The following UTP6 variants were observed in gnomAD, a reference collection of about 807,000 sequenced individuals.
UTP6 encodes the protein UTP6 small subunit processome component.
In UTP6, 60 loss-of-function variants were observed where a neutral mutation model predicts 96.5. That is an observed-to-expected ratio of 0.62 (90% CI 0.51 to 0.77). The LOEUF is 0.77. Among genes scored for constraint, UTP6 ranks in the 30% least tolerant of loss-of-function variants. UTP6 has a pLI of 0.00. For synonymous variants in UTP6, 215 were observed against 240.1 expected, an observed-to-expected ratio of 0.90 and a Z score of 0.96; for missense variants, 637 against 706.5, an observed-to-expected ratio of 0.90 and a Z score of 1.12.
At chr17:31,891,547 T>C (rs1911493376) in intron 6 of UTP6, among the ~76,000 whole-genome samples, 1 of 152,168 alleles carries the variant, frequency 6.6e-6, no homozygotes, top group Non-Finnish European at 1.5e-5. Context: ...CTAGACCATT[T>C]ATACATTATT....
At chr17:31,890,848 G>A (rs865896050) in intron 6 of UTP6, among the ~76,000 whole-genome samples, 5 of 151,670 alleles carry the variant, frequency 3.3e-5, no homozygotes, top group African/African-American at 9.7e-5. Context: ...TTAGCCAGGC[G>A]TGGTGGTGCA....
chr17:31,865,265 G>A (rs1909750624), intron 18 of UTP6, 101 bp downstream of exon 18: 3 of 1,218,108 alleles, frequency 2.5e-6, no homozygotes, highest in Non-Finnish European at 3.6e-6. Flanking sequence ...CGCCTGCCTT[G>A]GCCTCCCAAA....
chr17:31,898,505 A>G (rs1904785549), intron 2 of UTP6, among the ~76,000 whole-genome samples: 1 of 151,840 alleles, frequency 6.6e-6, no homozygotes, highest in East Asian at 1.9e-4. Flanking sequence ...AGCCTGGGCA[A>G]TAAGAGTGAA....
At chr17:31,900,188 G>T (rs1189302531) in intron 1 of UTP6, among the ~76,000 whole-genome samples, 1 of 151,982 alleles carries the variant, frequency 6.6e-6, no homozygotes, top group African/African-American at 2.4e-5. Context: ...GTGTTCTTAA[G>T]GGTTCATTTT....
intron 18 of UTP6, among the ~76,000 whole-genome samples, chr17:31,864,992 C>CA (rs1377977131): frequency 1.3e-5 from 2 of 151,768 alleles, no homozygotes; most frequent in Non-Finnish European, 2.9e-5. Context: ...TGATGCAAAT[C>CA]AAAAAACTAA....
At chr17:31,864,948 G>A (rs982779164) in intron 18 of UTP6, among the ~76,000 whole-genome samples, 2 of 152,056 alleles carry the variant, frequency 1.3e-5, no homozygotes, top group African/African-American at 4.8e-5. Flanking sequence ...AGGAGGCAGA[G>A]GAAGGAAACA....
intron 17 of UTP6, among the ~76,000 whole-genome samples, 179 bp from the exon 18 acceptor site, chr17:31,865,617 T>C (rs892518391): frequency 6.6e-6 from 1 of 152,188 alleles, no homozygotes; most frequent in Admixed American, 6.5e-5. Flanking sequence ...CAGAGTGAAG[T>C]ACATATGTGA....
intron 12 of UTP6, 114 bp from the exon 13 acceptor site, chr17:31,878,441 G>A: frequency 9.6e-7 from 1 of 1,040,118 alleles, no homozygotes; most frequent in Non-Finnish European, 1.4e-6. Context: ...AAGCTGACTT[G>A]CTCCTGCATG....
intron 17 of UTP6, among the ~76,000 whole-genome samples, chr17:31,867,409 G>A (rs1483384533): frequency 1.3e-5 from 2 of 151,760 alleles, no homozygotes; most frequent in African/African-American, 4.8e-5. Context: ...TCGGGAGGGT[G>A]TGGCAGGAGA....
chr17:31,877,375 G>C (rs1440788063), intron 13 of UTP6, among the ~76,000 whole-genome samples: 1 of 152,144 alleles, frequency 6.6e-6, no homozygotes, highest in African/African-American at 2.4e-5. Flanking sequence ...CATTTTTATT[G>C]CACACTATAT....
chr17:31,900,183 C>T (rs552529055), intron 1 of UTP6, among the ~76,000 whole-genome samples: 33 of 152,230 alleles, frequency 2.2e-4, no homozygotes, highest in African/African-American at 7.7e-4. Context: ...CTTTTGTGTT[C>T]TTAAGGGTTC....
chr17:31,896,478 G>A (rs758172785), intron 2 of UTP6, among the ~76,000 whole-genome samples: 2 of 151,956 alleles, frequency 1.3e-5, no homozygotes, highest in Non-Finnish European at 2.9e-5. Context: ...TGACTTTCAC[G>A]TTCACATGAT....
Position 31,862,923 on chromosome 17 carries a change from A to C in UTP6, c.*436T>G, listed in dbSNP as rs1250302150. 2.5e-5 allele frequency: 4 copies of C among 157,206 alleles called. No individual in the cohort carries two copies. Among genetic ancestry groups the C allele is most frequent in the Admixed American group, 2.5e-4 (4 of 16,224 alleles). 9.7% of individuals were successfully genotyped at this position (157,206 alleles called of 1,614,324 possible). A position where few individuals can be genotyped will look rare whatever the true frequency, so the allele number is the denominator to read the frequency against. ...TCTTAGGTCGAGATTAGAGATACTCATGCTTGACCTGGGATAATTTTAAAA... is the reference window on the plus strand; with the variant it reads ...TCTTAGGTCGAGATTAGAGATACTCCTGCTTGACCTGGGATAATTTTAAAA... On this transcript the variant is annotated 3_prime_UTR_variant, in exon 19 of 19. Coordinates refer to ENST00000261708, the MANE Select transcript of UTP6 (RefSeq NM_018428.3).
chr17:31,900,690 A>G (rs1904928497), intron 1 of UTP6, among the ~76,000 whole-genome samples: 1 of 152,208 alleles, frequency 6.6e-6, no homozygotes, highest in Non-Finnish European at 1.5e-5. Flanking sequence ...CTCAACATGT[A>G]AATTTTTTTA....
chr17:31,901,398 C>T (rs1481461318), intron 1 of UTP6, 138 bp downstream of exon 1: 3 of 767,688 alleles, frequency 3.9e-6, no homozygotes, highest in South Asian at 1.6e-5. Context: ...CTGGACATCA[C>T]CGAAAACGAG....
intron 18 of UTP6, among the ~76,000 whole-genome samples, chr17:31,865,071 T>G (rs569437144): frequency 2.0e-5 from 3 of 152,238 alleles, no homozygotes; most frequent in South Asian, 4.1e-4. Context: ...CAGGCTGGAG[T>G]GCAATGGTAT....
chr17:31,884,524 G>A lies in UTP6; in HGVS notation c.704-19C>T, dbSNP rs1174096394. ...TCTGCACCTAAATTTAAAAAGCAGG[G>A]GAGGGGAAGTTTATTGCCAATAAGA... On this transcript the variant is annotated intron_variant, in intron 9 of 18. Transcript: ENST00000261708. The A allele has an allele frequency of 1.9e-6, 3 of 1,599,806 alleles. No homozygotes were observed. Among genetic ancestry groups the A allele is most frequent in the Non-Finnish European group, 2.6e-6 (3 of 1,170,544 alleles).
chr17:31,865,205 G>A (rs1909745019), intron 18 of UTP6, among the ~76,000 whole-genome samples, 161 bp downstream of exon 18: 1 of 152,102 alleles, frequency 6.6e-6, no homozygotes, highest in South Asian at 2.1e-4. Flanking sequence ...TAGAGACGGG[G>A]TTTCACCATA....
At chr17:31,877,280 A>G (rs1910550259) in intron 13 of UTP6, among the ~76,000 whole-genome samples, 1 of 152,158 alleles carries the variant, frequency 6.6e-6, no homozygotes, top group African/African-American at 2.4e-5. Flanking sequence ...ACATTATTTG[A>G]AAAAGAGAAA....
Sources: gnomAD v4.1 joint callset for allele counts (sites outside exome capture counted in the v4.1 genomes callset) on GRCh38, gnomAD v4.1.1 for gene constraint, MANE v1.5 for transcripts, NCBI Gene and HGNC (gene_info 2026-07-23, HGNC 2026-07-21) for gene names.